POU2F2: variants seen among roughly 807,000 people sequenced by gnomAD.
POU2F2 encodes POU domain, class 2, transcription factor 2.
A neutral mutation model predicts 63.5 loss-of-function variants in POU2F2; 14 were observed. The observed-to-expected ratio is 0.22, with a 90% CI of 0.15 to 0.34. The LOEUF is 0.34. Among genes scored for constraint, POU2F2 ranks in the 10% least tolerant of loss-of-function variants. The pLI is 1.00. For missense variants in POU2F2, 607 were observed against 815.2 expected, an observed-to-expected ratio of 0.74 and a Z score of 3.11; for synonymous variants, 306 against 348.6, an observed-to-expected ratio of 0.88 and a Z score of 1.36.
chr19:42,191,343 G>A (rs1170960420), intron 1 of POU2F2, among the ~76,000 whole-genome samples: 2 of 152,180 alleles, frequency 1.3e-5, no homozygotes, highest in Non-Finnish European at 2.9e-5. Flanking sequence ...TTCTGACAGT[G>A]GCTGTGCCCC....
In POU2F2 at chr19:42,195,781, G is replaced by C. The variant is rs866186282; in HGVS notation, c.-70+602C>G. Reference sequence around the variant, plus strand: ...TTCTTCCTCCCTCCCTCCCCTTCCTGTCTTTTTTTTTTTTCTGAGACAGAG... The same window carrying C: ...TTCTTCCTCCCTCCCTCCCCTTCCTCTCTTTTTTTTTTTTCTGAGACAGAG... On this transcript the variant is annotated intron_variant, in intron 1 of 5. Coordinates refer to the POU2F2 transcript ENST00000532176. 2.2e-3 allele frequency among the ~76,000 whole-genome samples: 164 copies of C among 73,048 alleles called. 1 individual carries two copies. Among genetic ancestry groups the C allele is most frequent in the African/African-American group, 8.7e-3 (155 of 17,918 alleles). 47.9% of individuals were successfully genotyped at this position (73,048 alleles called of 152,430 possible). A position where few individuals can be genotyped will look rare whatever the true frequency, so the allele number is the denominator to read the frequency against.
chr19:42,095,331 G>A lies in POU2F2; in HGVS notation c.1152C>T (p.Pro384=). 1.9e-6 allele frequency: 3 copies of A among 1,613,664 alleles called. No individual in the cohort carries two copies. The highest frequency in any genetic ancestry group is 2.5e-6 in the Non-Finnish European group (3 of 1,179,970). The change falls in exon 11 of 15, where the codon CCC becomes CCT. Residue 384 remains proline (P), a synonymous_variant. Transcript: ENST00000692977. The surrounding 1 kb of genome is among the most constrained non-coding windows in gnomAD (Gnocchi z 7.1). ...CCGGCTTCCCTGGGCTGGGCAGCAT[G>A]GGGGCCGCACTGCAGGGGTTGATGC... The part of the protein sequence containing the change: ...EKRINPCSAA[P]MLPSPGKPAS...
In POU2F2 at chr19:42,169,888, C is replaced by T. The variant is rs996014232; in HGVS notation, c.-70+6075G>A. ...TGTCTCTCTCTCTCTCACACACACA[C>T]CCTTGCTCATATGTGCCTTGCAGAT... On this transcript the variant is annotated intron_variant, in intron 1 of 6. Coordinates refer to the POU2F2 transcript ENST00000524801. This position sits in a 1 kb window ranked among gnomAD's most constrained non-coding sequence, Gnocchi z 4.3. Among the ~76,000 whole-genome samples the T allele has an allele frequency of 6.6e-6, 1 of 152,060 alleles. No individual in the cohort carries two copies. Among genetic ancestry groups the T allele is most frequent in the African/African-American group, 2.4e-5 (1 of 41,392 alleles).
At chr19:42,132,614 G>C (rs2033850508), upstream of POU2F2, 1 of 432,778 alleles carries the variant, frequency 2.3e-6, no homozygotes, top group Non-Finnish European at 4.0e-6. Context: ...GGGGGGTGGG[G>C]GCTAGTGGGG....
intron 4 of POU2F2, among the ~76,000 whole-genome samples, chr19:42,120,383 G>C (rs923924787): frequency 1.3e-5 from 2 of 152,002 alleles, no homozygotes; most frequent in African/African-American, 2.4e-5. Flanking sequence ...ACCATGCCCG[G>C]CTAATTTTTG....
At chr19:42,154,754 G>A (rs1367451534) in intron 2 of POU2F2, among the ~76,000 whole-genome samples, 3 of 150,016 alleles carry the variant, frequency 2.0e-5, no homozygotes, top group Non-Finnish European at 3.0e-5. Context: ...CGTCCAAAGT[G>A]ATGTCTCTCA....
chr19:42,095,707 G>A lies in POU2F2; in HGVS notation c.872-14C>T, dbSNP rs758437842. ...CAGACATAGTCTCTGTGCGCCGGGG[G>A]AGACGTGAGCATGAGAAGGGGCCTC... is the stretch of plus-strand genomic sequence containing the variant. On this transcript the variant is annotated splice_polypyrimidine_tract_variant and intron_variant, in intron 9 of 14. Coordinates refer to ENST00000692977, the MANE Select transcript of POU2F2 (RefSeq NM_001394376.1). This position sits in a 1 kb window ranked among gnomAD's most constrained non-coding sequence, Gnocchi z 7.1. The A allele has an allele frequency of 4.0e-5, 64 of 1,611,670 alleles. No individual in the cohort carries two copies. In the Middle Eastern group the frequency reaches 6.6e-4, roughly 17 times the overall value.
At chr19:42,122,919 T>G (rs1252232202) in intron 1 of POU2F2, among the ~76,000 whole-genome samples, 1 of 152,070 alleles carries the variant, frequency 6.6e-6, no homozygotes, top group Non-Finnish European at 1.5e-5. Context: ...GCTGGTGACG[T>G]CCCAAAGGAG....
chr19:42,190,509 C>CTACCACCTGGACCACAGT (rs1351875576), intron 1 of POU2F2, among the ~76,000 whole-genome samples: 5 of 151,994 alleles, frequency 3.3e-5, no homozygotes, highest in African/African-American at 1.2e-4. Context: ...GAGCCAAGTT[C>CTACCACCTGGACCACAGT]TACCACCTGG....
intron 1 of POU2F2, among the ~76,000 whole-genome samples, chr19:42,124,348 G>T (rs1179441917): frequency 6.8e-6 from 1 of 147,296 alleles, no homozygotes. Flanking sequence ...GCTAAAGTAA[G>T]GGATAAGAAA....
chr19:42,194,616 G>A (rs531228818), intron 1 of POU2F2, among the ~76,000 whole-genome samples: 17 of 151,626 alleles, frequency 1.1e-4, no homozygotes, highest in South Asian at 2.1e-4. Context: ...AAAATTAGCC[G>A]AGTATGGTGG....
At chr19:42,138,534 G>A (rs2034064480) in intron 2 of POU2F2, among the ~76,000 whole-genome samples, 1 of 152,114 alleles carries the variant, frequency 6.6e-6, no homozygotes, top group African/African-American at 2.4e-5. Flanking sequence ...GAAGGCTTCT[G>A]CGCAGAAGCA....
At chr19:42,187,761 C>CAA (rs745767404) in intron 1 of POU2F2, among the ~76,000 whole-genome samples, 6,455 of 49,716 alleles carry the variant, frequency 0.13, 354 homozygotes, top group Middle Eastern at 0.21. Context: ...GACTCCATCA[C>CAA]AAAAAAAAAA....
rs1352831363 is a variant in POU2F2 at position 42,096,169 on chromosome 19, G to A, written c.642C>T (p.Ser214=). Residue 214 remains serine, a synonymous_variant, in exon 8 of 15, where the codon TCC becomes TCT. Coordinates refer to ENST00000692977, the MANE Select transcript of POU2F2 (RefSeq NM_001394376.1). The surrounding 1 kb of genome is among the most constrained non-coding windows in gnomAD (Gnocchi z 4.1). Reference sequence around the variant, plus strand: ...CCAGATCACTGGGCTCCTCGGGGTGGGATGGTGGCTCCAAGCATTTGGGGG... The same window carrying A: ...CCAGATCACTGGGCTCCTCGGGGTGAGATGGTGGCTCCAAGCATTTGGGGG... ...PQPPKCLEPP[S]HPEEPSDLEE... 6.2e-7 allele frequency: 1 copy of A among 1,613,698 alleles called. No homozygotes were observed. Among genetic ancestry groups the A allele is most frequent in the Non-Finnish European group, 8.5e-7 (1 of 1,179,840 alleles).
chr19:42,098,090 A>C (rs567282889), intron 7 of POU2F2, among the ~76,000 whole-genome samples: 1 of 152,194 alleles, frequency 6.6e-6, no homozygotes, highest in East Asian at 1.9e-4. Context: ...ATAGGCATGC[A>C]CCACCGTGCC....
intron 4 of POU2F2, among the ~76,000 whole-genome samples, chr19:42,120,280 A>C (rs1465057821): frequency 6.7e-6 from 1 of 149,180 alleles, no homozygotes; most frequent in South Asian, 2.1e-4. Context: ...GCAGTGGTGC[A>C]ATCTCGGCTC....
chr19:42,117,405 T>G lies in POU2F2; in HGVS notation c.214A>C (p.Thr72Pro). Residue 72 changes from threonine (T) to proline (P), a missense_variant, in exon 5 of 15, where the codon ACA (threonine) becomes CCA (proline). By Grantham distance (38) the Thr-to-Pro change is conservative. Around this residue, in one of 7 missense-constraint regions of POU2F2, gnomAD observed 224 missense variants for 264.3 expected, o/e 0.85. Coordinates refer to ENST00000692977, the MANE Select transcript of POU2F2 (RefSeq NM_001394376.1). The surrounding 1 kb of genome is among the most constrained non-coding windows in gnomAD (Gnocchi z 4.4). Reference sequence around the variant, plus strand: ...AGGCAGGGTCCGGGACCCCAGAATGTTAAGTGGAGGCCAGAGAGAATGCCC... The same window carrying G: ...AGGCAGGGTCCGGGACCCCAGAATGGTAAGTGGAGGCCAGAGAGAATGCCC... ...KVGILSGLHL[T>P]FWGPGPCLSP... is the part of the protein sequence containing the mutation. The G allele has an allele frequency of 7.1e-7, 1 of 1,412,460 alleles. No homozygotes were observed. The allele number at this position is 1,412,460 out of a possible 1,614,324, so 87.5% of individuals were successfully genotyped here.
upstream of POU2F2, among the ~76,000 whole-genome samples, chr19:42,176,755 G>A (rs2034889822): frequency 6.6e-6 from 1 of 151,110 alleles, no homozygotes; most frequent in Non-Finnish European, 1.5e-5. Flanking sequence ...CCCAGCCAGG[G>A]GGCAAAGCCC....
intron 2 of POU2F2, among the ~76,000 whole-genome samples, chr19:42,145,924 ACT>A (rs894169725): frequency 4.0e-5 from 6 of 148,760 alleles, no homozygotes; most frequent in African/African-American, 1.5e-4. Flanking sequence ...ACAAAGCGAG[ACT>A]CTGTCTCAAA....
Sources: allele counts gnomAD v4.1 joint callset (sites outside exome capture counted in the v4.1 genomes callset), GRCh38; gene constraint gnomAD v4.1.1; regional missense constraint gnomAD v4.1.1; non-coding constraint Gnocchi (gnomAD v3.1); transcripts MANE v1.5; gene names NCBI Gene and HGNC (gene_info 2026-07-23, HGNC 2026-07-21).